Variants in CHSY1 observed in about 807,000 individuals in gnomAD.
CHSY1 encodes chondroitin sulfate synthase 1, also known as N-acetylgalactosaminyl-proteoglycan 3-beta-glucuronosyltransferase 1.
In CHSY1, 13 loss-of-function variants were observed where a neutral mutation model predicts 59.8. The ratio of observed to expected loss-of-function variants is 0.22; its 90% CI spans 0.14 to 0.35. The LOEUF (loss-of-function observed/expected upper bound fraction) is 0.35, where lower values mean the gene tolerates loss of function less well. Among genes scored for constraint, CHSY1 ranks in the 10% least tolerant of loss-of-function variants. The pLI is 1.00. For missense variants in CHSY1, 947 were observed against 1,030.6 expected, an observed-to-expected ratio of 0.92 and a Z score of 1.11; for synonymous variants, 459 against 401.2, an observed-to-expected ratio of 1.14 and a Z score of -1.72.
chr15:101,230,532 C>T (rs139439200), intron 2 of CHSY1, among the ~76,000 whole-genome samples: 6 of 152,168 alleles, frequency 3.9e-5, no homozygotes, highest in East Asian at 1.9e-4. Context: ...TAAATATGTA[C>T]AATTATAATG....
intron 2 of CHSY1, among the ~76,000 whole-genome samples, chr15:101,196,301 A>G (rs148829687): frequency 1.1e-4 from 17 of 152,136 alleles, no homozygotes; most frequent in African/African-American, 2.9e-4. Flanking sequence ...CATGAGATCC[A>G]TAAGTATAAA....
At chr15:101,225,996 G>C (rs2038838400) in intron 2 of CHSY1, among the ~76,000 whole-genome samples, 1 of 152,222 alleles carries the variant, frequency 6.6e-6, no homozygotes, top group African/African-American at 2.4e-5. Flanking sequence ...AACCATTTCA[G>C]AGATGTTCAT....
At chr15:101,249,765 T>C (rs574428988) in intron 1 of CHSY1, among the ~76,000 whole-genome samples, 7 of 152,276 alleles carry the variant, frequency 4.6e-5, no homozygotes, top group Non-Finnish European at 1.0e-4. Flanking sequence ...TCCGCCCGCC[T>C]CGGCCTCCCA....
intron 2 of CHSY1, among the ~76,000 whole-genome samples, chr15:101,213,347 C>T (rs2038700734): frequency 7.1e-6 from 1 of 140,450 alleles, no homozygotes; most frequent in South Asian, 2.2e-4. Flanking sequence ...GTCAAAACTG[C>T]GTGAGGTAAT....
chr15:101,251,023 G>A, intron 1 of CHSY1, 114 bp downstream of exon 1: 1 of 1,012,932 alleles, frequency 9.9e-7, no homozygotes, highest in Non-Finnish European at 1.4e-6. Context: ...GATCCCGCCG[G>A]AAGCCCAAGA....
intron 2 of CHSY1, 42 bp downstream of exon 2, chr15:101,235,040 A>C: frequency 6.2e-7 from 1 of 1,607,590 alleles, no homozygotes; most frequent in East Asian, 2.2e-5. Context: ...GACAAAATTG[A>C]CAAAATTAAG....
At chr15:101,248,617 A>T (rs553659077) in intron 1 of CHSY1, among the ~76,000 whole-genome samples, 26 of 152,188 alleles carry the variant, frequency 1.7e-4, no homozygotes, top group East Asian at 1.5e-3. Context: ...CTTTCCCCTA[A>T]CCACCTGAAA....
intron 1 of CHSY1, among the ~76,000 whole-genome samples, chr15:101,240,107 C>G (rs745756574): frequency 1.3e-5 from 2 of 152,190 alleles, no homozygotes; most frequent in Non-Finnish European, 2.9e-5. Flanking sequence ...TCATGTTGTC[C>G]TTTTCTGTTC....
At chr15:101,189,443 G>GT (rs2038415002) in intron 2 of CHSY1, 1 of 985,416 alleles carries the variant, frequency 1.0e-6, no homozygotes, top group Admixed American at 6.1e-5. Flanking sequence ...CAAGGTGGAT[G>GT]TAAGCCAGAA....
intron 2 of CHSY1, among the ~76,000 whole-genome samples, chr15:101,215,259 A>G (rs927103460): frequency 7.2e-5 from 11 of 152,224 alleles, no homozygotes; most frequent in Admixed American, 3.3e-4. Flanking sequence ...TAAAGACTGT[A>G]AGTTACAGAG....
rs149683632 is a variant in CHSY1 at position 101,237,596 on chromosome 15, G to A, written c.321-2019C>T. On this transcript the variant is annotated intron_variant, in intron 1 of 2. Coordinates refer to ENST00000254190, the MANE Select transcript of CHSY1 (RefSeq NM_014918.5). ...GAGTGGTCAACTGCGAGGAAACCACGTAAAGGGTGTAAGAGACAACGGTTG... is the reference window on the plus strand; with the variant it reads ...GAGTGGTCAACTGCGAGGAAACCACATAAAGGGTGTAAGAGACAACGGTTG... Among the ~76,000 whole-genome samples, 316 of 151,966 alleles carry A rather than the reference G, an allele frequency of 2.1e-3. 2 individuals are homozygous for A. The highest frequency in any genetic ancestry group is 7.4e-3 in the African/African-American group (305 of 41,466).
chr15:101,251,400 GC>G lies in CHSY1; in HGVS notation c.56del (p.Gly19AlafsTer16). 8.6e-7 allele frequency: 1 copy of G among 1,162,138 alleles called. No homozygotes were observed. Among genetic ancestry groups the G allele is most frequent in the South Asian group, 1.6e-5 (1 of 61,914 alleles). The allele number at this position is 1,162,138 out of a possible 1,614,324, so 72.0% of individuals were successfully genotyped here. On this transcript the variant is annotated frameshift_variant, in exon 1 of 3. Coordinates refer to ENST00000254190, the MANE Select transcript of CHSY1 (RefSeq NM_014918.5). LOFTEE classifies it high-confidence loss of function. The stretch of plus-strand genomic sequence containing the variant: ...GGACGAGCCGCGAGGCCAGCACGAA[GC>G]CCAGGACGAGCCCGAGCAGCACGCT... ...WLSVLLGLVL[G>X]FVLASRLVLP...
At chr15:101,192,796 A>C (rs2038461281) in intron 2 of CHSY1, among the ~76,000 whole-genome samples, 1 of 152,198 alleles carries the variant, frequency 6.6e-6, no homozygotes, top group Non-Finnish European at 1.5e-5. Flanking sequence ...TCCTACATGT[A>C]TTTCCAAAAT....
chr15:101,237,120 A>T (rs1402582457), intron 1 of CHSY1, among the ~76,000 whole-genome samples: 1 of 147,766 alleles, frequency 6.8e-6, no homozygotes, highest in Non-Finnish European at 1.5e-5. Context: ...GCTACTCAGG[A>T]GGCTGAGGCA....
intron 2 of CHSY1, among the ~76,000 whole-genome samples, chr15:101,194,416 A>G (rs570765326): frequency 1.1e-4 from 17 of 152,350 alleles, no homozygotes; most frequent in Admixed American, 4.6e-4. Flanking sequence ...GCAGCATTTT[A>G]AAGTATTTCA....
chr15:101,212,229 C>T (rs981771356), intron 2 of CHSY1, among the ~76,000 whole-genome samples: 2 of 152,100 alleles, frequency 1.3e-5, no homozygotes, highest in Non-Finnish European at 2.9e-5. Context: ...TAATAAGATA[C>T]GGCTACTTTG....
intron 2 of CHSY1, among the ~76,000 whole-genome samples, chr15:101,201,885 AG>A (rs1347230022): frequency 6.6e-6 from 1 of 152,164 alleles, no homozygotes; most frequent in African/African-American, 2.4e-5. Flanking sequence ...GGTGTCCAGG[AG>A]GGGGTTAGAA....
Position 101,209,554 on chromosome 15 carries a change from A to G in CHSY1, c.816+25528T>C, listed in dbSNP as rs186583542. Among the ~76,000 whole-genome samples, 18 of 152,344 alleles carry G rather than the reference A, an allele frequency of 1.2e-4. No homozygotes were observed. In the East Asian group the frequency reaches 3.3e-3, roughly 28 times the overall value. On this transcript the variant is annotated intron_variant, in intron 2 of 2. Coordinates refer to ENST00000254190, the MANE Select transcript of CHSY1 (RefSeq NM_014918.5). ...TGAGCTTCAGAGACTGGAAATTGTG[A>G]TATGAATTCAATATTCCATGGGAAA...
Position 101,176,701 on chromosome 15 carries a change from C to T in CHSY1, c.*687G>A, listed in dbSNP as rs961793051. On this transcript the variant is annotated 3_prime_UTR_variant, in exon 3 of 3. Coordinates refer to ENST00000254190, the MANE Select transcript of CHSY1 (RefSeq NM_014918.5). Reference sequence around the variant, plus strand: ...ATCCCAGCTACTCGGGAGGCAAAGGCAGGGGAATTGCTTGAACCAGGGAAG... The same window carrying T: ...ATCCCAGCTACTCGGGAGGCAAAGGTAGGGGAATTGCTTGAACCAGGGAAG... 1.4e-5 allele frequency: 4 copies of T among 278,388 alleles called. No individual in the cohort carries two copies. Among genetic ancestry groups the T allele is most frequent in the African/African-American group, 2.2e-5 (1 of 45,996 alleles). The allele number at this position is 278,388 out of a possible 1,614,324, so 17.2% of individuals were successfully genotyped here.
Sources: allele counts gnomAD v4.1 joint callset (sites outside exome capture counted in the v4.1 genomes callset), GRCh38; gene constraint gnomAD v4.1.1; transcripts MANE v1.5; gene names NCBI Gene and HGNC (gene_info 2026-07-23, HGNC 2026-07-21).